The following FABP6 variants were observed in gnomAD, a reference collection of about 807,000 sequenced individuals.
FABP6 encodes the protein gastrotropin.
FABP6 carries 13 observed loss-of-function variants against 14.9 expected under a neutral mutation model. That is an observed-to-expected ratio of 0.87 (90% CI 0.57 to 1.39). FABP6 has a LOEUF of 1.39. FABP6 is among the 40% of genes most tolerant of loss of function. FABP6 has a pLI of 0.00. For missense variants in FABP6, 161 were observed against 167.2 expected (o/e 0.96, Z 0.20); for synonymous variants, 75 against 63.6 (o/e 1.18, Z -0.85).
chr5:160,237,769 G>A (rs1323574647), intron 3 of FABP6, among the ~76,000 whole-genome samples: 2 of 152,092 alleles, frequency 1.3e-5, no homozygotes, highest in South Asian at 2.1e-4. Flanking sequence ...AGCCCCTCTG[G>A]ACCAGCTACT....
At chr5:160,205,322 A>C (rs1180171773) in intron 2 of FABP6, among the ~76,000 whole-genome samples, 4 of 150,628 alleles carry the variant, frequency 2.7e-5, no homozygotes, top group South Asian at 4.2e-4. Flanking sequence ...CATCTCAAAA[A>C]AAAAAAAAAA....
chr5:160,215,564 T>C (rs1759992882), intron 3 of FABP6, among the ~76,000 whole-genome samples: 1 of 151,562 alleles, frequency 6.6e-6, no homozygotes, highest in Admixed American at 6.6e-5. Flanking sequence ...GGCTCACACT[T>C]GTAATCCCAA....
intron 2 of FABP6, among the ~76,000 whole-genome samples, chr5:160,210,582 C>T (rs928356393): frequency 1.3e-5 from 2 of 152,184 alleles, no homozygotes; most frequent in African/African-American, 2.4e-5. Context: ...GAACAGAAGT[C>T]AAGGTGGGCA....
chr5:160,192,790 A>G (rs1759423582), intron 1 of FABP6, among the ~76,000 whole-genome samples: 1 of 152,222 alleles, frequency 6.6e-6, no homozygotes, highest in African/African-American at 2.4e-5. Flanking sequence ...GTAGCTGGAG[A>G]TAATGCCAGT....
chr5:160,218,609 C>T (rs866218295), intron 3 of FABP6, among the ~76,000 whole-genome samples: 2 of 151,586 alleles, frequency 1.3e-5, no homozygotes, highest in African/African-American at 2.4e-5. Context: ...TACAGGCACC[C>T]GCCACCATGC....
At chr5:160,213,677 A>G in intron 2 of FABP6, 1 of 1,441,034 alleles carries the variant, frequency 6.9e-7, no homozygotes, top group Non-Finnish European at 9.8e-7. Flanking sequence ...AGCTGATTGG[A>G]CCAGAGATGC....
At chr5:160,233,612 C>T (rs1384992726) in intron 2 of FABP6, among the ~76,000 whole-genome samples, 4 of 152,132 alleles carry the variant, frequency 2.6e-5, no homozygotes, top group Non-Finnish European at 4.4e-5. Context: ...CGGTGGCTCA[C>T]GCCTGTAATC....
chr5:160,193,543 C>T (rs1203742313), intron 1 of FABP6, among the ~76,000 whole-genome samples: 2 of 152,086 alleles, frequency 1.3e-5, no homozygotes, highest in Non-Finnish European at 2.9e-5. Context: ...TGGCAGGGTG[C>T]TGATTGGTGC....
At chr5:160,205,604 A>C (rs1011765806) in intron 2 of FABP6, among the ~76,000 whole-genome samples, 1 of 152,106 alleles carries the variant, frequency 6.6e-6, no homozygotes. Flanking sequence ...TCTGATGGAG[A>C]TTGGTTTACC....
intron 2 of FABP6, among the ~76,000 whole-genome samples, chr5:160,209,115 GTGGTGGCTCACACCTGTTGTCCC>G (rs2113098122): frequency 6.6e-6 from 1 of 152,228 alleles, no homozygotes; most frequent in East Asian, 1.9e-4. Context: ...TTAGTCAAGT[GTGGTGGCTCACACCTGTTGTCCC>G]AGCTACTCCA....
At chr5:160,200,918 G>T (rs1253728041) in intron 2 of FABP6, among the ~76,000 whole-genome samples, 1 of 152,166 alleles carries the variant, frequency 6.6e-6, no homozygotes. Flanking sequence ...CTTCATGGAG[G>T]CTTCGTCAGT....
upstream of FABP6, chr5:160,228,429 G>T (rs1481370908): frequency 2.2e-6 from 1 of 456,166 alleles, no homozygotes; most frequent in Non-Finnish European, 4.4e-6. Context: ...GAGAGCCTTT[G>T]CAGAGTGTTT....
At chr5:160,222,093 T>TCC (rs1251859696) in intron 3 of FABP6, among the ~76,000 whole-genome samples, 3 of 126,952 alleles carry the variant, frequency 2.4e-5, no homozygotes, top group Non-Finnish European at 5.1e-5. Flanking sequence ...ATTTTTTCTT[T>TCC]TCTTTTTTTT....
chr5:160,198,914 T>G, intron 1 of FABP6: 1 of 596,092 alleles, frequency 1.7e-6, no homozygotes, highest in Non-Finnish European at 3.0e-6. Flanking sequence ...CTCACGTGTT[T>G]CTTCTGTATC....
rs1307923964 is a variant in FABP6, at chr5:160,229,599, T to C, written c.42T>C (p.Asn14=). Residue 14 remains asparagine, a synonymous_variant, in exon 1 of 4, where the codon AAT becomes AAC. Coordinates refer to ENST00000402432, the MANE Select transcript of FABP6 (RefSeq NM_001445.3). The part of the protein sequence containing the change: ...TGKFEMESEK[N]YDEFMKLLGI... The stretch of plus-strand genomic sequence containing the variant: ...AGTTCGAGATGGAGAGTGAGAAGAA[T>C]TATGATGAGTTCATGAAGCTCCTTG... The C allele has an allele frequency of 6.2e-7, 1 of 1,613,950 alleles. No homozygotes were observed.
At chr5:160,192,787 G>C (rs554336556) in intron 1 of FABP6, among the ~76,000 whole-genome samples, 1 of 152,246 alleles carries the variant, frequency 6.6e-6, no homozygotes, top group Non-Finnish European at 1.5e-5. Context: ...AGGGTAGCTG[G>C]AGATAATGCC....
At chr5:160,211,989 T>C (rs982238429) in intron 2 of FABP6, among the ~76,000 whole-genome samples, 4 of 147,572 alleles carry the variant, frequency 2.7e-5, no homozygotes, top group African/African-American at 1.0e-4. Flanking sequence ...AGTTCTTTTT[T>C]TTTTTTTTTT....
intron 2 of FABP6, among the ~76,000 whole-genome samples, chr5:160,233,949 T>A (rs1412405837): frequency 2.0e-5 from 3 of 151,798 alleles, no homozygotes; most frequent in African/African-American, 7.3e-5. Context: ...GCCTTGCAGC[T>A]AGAACATGGT....
At chr5:160,220,395 A>T (rs1320739417) in intron 3 of FABP6, among the ~76,000 whole-genome samples, 2 of 152,176 alleles carry the variant, frequency 1.3e-5, no homozygotes, top group Non-Finnish European at 2.9e-5. Flanking sequence ...GGATCGCTTG[A>T]GTCCAGGAGT....
Sources: gnomAD v4.1 joint callset for allele counts (sites outside exome capture counted in the v4.1 genomes callset) on GRCh38, gnomAD v4.1.1 for gene constraint, MANE v1.5 for transcripts, NCBI Gene and HGNC (gene_info 2026-07-23, HGNC 2026-07-21) for gene names.